Variants in MIR2052HG observed in about 807,000 individuals in gnomAD.
MIR2052HG encodes MIR2052 host gene.
At chr8:74,682,188 C>A (rs144160795) in intron 2 of MIR2052HG, among the ~76,000 whole-genome samples, 1 of 152,004 alleles carries the variant, frequency 6.6e-6, no homozygotes, top group Non-Finnish European at 1.5e-5. Context: ...ATGGGAAAGG[C>A]AAATTTTAAA....
chr8:74,747,532 T>G (rs536779678), intron 4 of MIR2052HG, among the ~76,000 whole-genome samples: 2 of 152,282 alleles, frequency 1.3e-5, no homozygotes, highest in African/African-American at 4.8e-5. Context: ...CCAAAAAACC[T>G]AAAAAGCTGC....
chr8:74,701,812 A>G (rs535197703), intron 2 of MIR2052HG, among the ~76,000 whole-genome samples: 63 of 152,242 alleles, frequency 4.1e-4, no homozygotes, highest in African/African-American at 1.4e-3. Context: ...TCAAAACCCC[A>G]GGGAGAGAAG....
At chr8:74,609,700 T>A (rs1808164355) in intron 1 of MIR2052HG, 1 of 150,024 alleles carries the variant, frequency 6.7e-6, no homozygotes, top group South Asian at 2.1e-4. Context: ...TACTCTCATT[T>A]AATGTAATAA....
At chr8:74,611,872 T>A (rs1193614282) in intron 1 of MIR2052HG, among the ~76,000 whole-genome samples, 2 of 152,232 alleles carry the variant, frequency 1.3e-5, no homozygotes, top group African/African-American at 4.8e-5. Context: ...AGGTTTACTC[T>A]GCACCAGTTG....
intron 2 of MIR2052HG, among the ~76,000 whole-genome samples, chr8:74,655,206 G>T (rs987910743): frequency 2.0e-5 from 3 of 152,166 alleles, no homozygotes; most frequent in Non-Finnish European, 4.4e-5. Context: ...AAAATTTGCA[G>T]CCTGATGATG....
At chr8:74,658,634 C>T (rs372460978) in intron 2 of MIR2052HG, among the ~76,000 whole-genome samples, 19 of 152,174 alleles carry the variant, frequency 1.2e-4, no homozygotes, top group African/African-American at 3.9e-4. Context: ...GATCTGCCCA[C>T]GTCAGCTTCC....
At chr8:74,745,308 A>G (rs1809872613) in intron 4 of MIR2052HG, among the ~76,000 whole-genome samples, 1 of 152,206 alleles carries the variant, frequency 6.6e-6, no homozygotes, top group Non-Finnish European at 1.5e-5. Flanking sequence ...GGAAACAGTA[A>G]TAATGATAAA....
At chr8:74,724,827 C>A (rs553572819) in intron 4 of MIR2052HG, among the ~76,000 whole-genome samples, 2 of 152,164 alleles carry the variant, frequency 1.3e-5, no homozygotes, top group African/African-American at 4.8e-5. Flanking sequence ...TAGCATCATG[C>A]CCACCATCTC....
At chr8:74,604,397 A>G (rs1451665565) in intron 1 of MIR2052HG, among the ~76,000 whole-genome samples, 1 of 59,160 alleles carries the variant, frequency 1.7e-5, no homozygotes, top group Non-Finnish European at 3.3e-5. Flanking sequence ...GCGGAACAAT[A>G]GGGGCAGGCG....
At chr8:74,654,442 G>T (rs7014072) in intron 2 of MIR2052HG, among the ~76,000 whole-genome samples, 40 of 152,124 alleles carry the variant, frequency 2.6e-4, no homozygotes, top group African/African-American at 9.2e-4. Context: ...TATATCTCCC[G>T]GAACTCCCCC....
intron 5 of MIR2052HG, among the ~76,000 whole-genome samples, chr8:74,755,796 A>G (rs942474633): frequency 3.3e-5 from 5 of 152,210 alleles, no homozygotes; most frequent in African/African-American, 1.2e-4. Flanking sequence ...TAGGGATAGA[A>G]GTGGGTGTAA....
At chr8:74,702,404 T>C (rs1252839493) in exon 3 of MIR2052HG, 1 of 454,830 alleles carries the variant, frequency 2.2e-6, no homozygotes, top group Non-Finnish European at 4.4e-6. Flanking sequence ...CTTTTATGTC[T>C]GATGAGGCAG....
intron 2 of MIR2052HG, among the ~76,000 whole-genome samples, chr8:74,650,160 G>A (rs546486666): frequency 1.4e-3 from 215 of 152,178 alleles, no homozygotes; most frequent in Admixed American, 2.4e-3. Context: ...GCAATTGTAT[G>A]CAACTGTATA....
intron 4 of MIR2052HG, among the ~76,000 whole-genome samples, chr8:74,743,704 C>A (rs1337213116): frequency 2.6e-5 from 4 of 152,272 alleles, no homozygotes; most frequent in Admixed American, 2.0e-4. Flanking sequence ...ACATTTATAC[C>A]ACCTGGGTGG....
intron 2 of MIR2052HG, among the ~76,000 whole-genome samples, chr8:74,684,363 T>C (rs994598424): frequency 3.9e-5 from 6 of 152,050 alleles, no homozygotes; most frequent in African/African-American, 1.2e-4. Context: ...CGCAAACATA[T>C]GTATGGCCTT....
At chr8:74,690,505 C>CGTG (rs1230225218) in intron 2 of MIR2052HG, among the ~76,000 whole-genome samples, 34 of 151,660 alleles carry the variant, frequency 2.2e-4, no homozygotes, top group African/African-American at 8.2e-4. Context: ...ATTAGTCGTG[C>CGTG]GTGGTGGTGG....
chr8:74,638,174 TAGAG>T (rs767540205), intron 2 of MIR2052HG, among the ~76,000 whole-genome samples: 4 of 152,060 alleles, frequency 2.6e-5, no homozygotes, highest in Admixed American at 6.6e-5. Flanking sequence ...TGGGGAGAGA[TAGAG>T]AGAGAACAGC....
chr8:74,726,229 A>G (rs1809634466), intron 4 of MIR2052HG, among the ~76,000 whole-genome samples: 1 of 152,184 alleles, frequency 6.6e-6, no homozygotes, highest in Non-Finnish European at 1.5e-5. Flanking sequence ...AGTCATACTC[A>G]GTGTATAAAA....
intron 2 of MIR2052HG, among the ~76,000 whole-genome samples, chr8:74,692,664 A>G (rs984487462): frequency 6.6e-6 from 1 of 152,180 alleles, no homozygotes; most frequent in African/African-American, 2.4e-5. Context: ...TGTTTTTCCA[A>G]TTTATACTTC....
Sources: allele counts gnomAD v4.1 joint callset (sites outside exome capture counted in the v4.1 genomes callset), GRCh38; gene constraint gnomAD v4.1.1; transcripts MANE v1.5; gene names NCBI Gene and HGNC (gene_info 2026-07-23, HGNC 2026-07-21).